The following ANKRD44 variants were observed in gnomAD, a reference collection of about 807,000 sequenced individuals.
ANKRD44 encodes the protein serine/threonine-protein phosphatase 6 regulatory ankyrin repeat subunit B.
In ANKRD44, 35 loss-of-function variants were observed where a neutral mutation model predicts 116.0. The observed-to-expected ratio is 0.30, with a 90% CI of 0.23 to 0.40. The LOEUF (loss-of-function observed/expected upper bound fraction) is 0.40. Ranked by LOEUF, ANKRD44 falls within the 10% of genes least tolerant of loss-of-function variation. The pLI, the probability that ANKRD44 is intolerant of heterozygous loss-of-function variation, is 1.00. For missense variants in ANKRD44, 1,014 were observed against 1,242.6 expected, an observed-to-expected ratio of 0.82 and a Z score of 2.77; for synonymous variants, 435 against 461.8, an observed-to-expected ratio of 0.94 and a Z score of 0.74.
chr2:197,009,097 T>G, intron 18 of ANKRD44, 66 bp from the exon 19 acceptor site: 1 of 1,380,952 alleles, frequency 7.2e-7, no homozygotes, highest in Non-Finnish European at 1.0e-6. Flanking sequence ...TCCAAATGAC[T>G]TTTTCTTTTT....
chr2:197,119,888 G>A (rs1358917018), intron 8 of ANKRD44, among the ~76,000 whole-genome samples: 2 of 152,222 alleles, frequency 1.3e-5, no homozygotes, highest in East Asian at 3.9e-4. Flanking sequence ...TGCGTGATAA[G>A]CTCCCCTTGG....
intron 26 of ANKRD44, 148 bp downstream of exon 26, chr2:196,995,231 A>G (rs1018770531): frequency 4.4e-6 from 2 of 451,984 alleles, no homozygotes; most frequent in African/African-American, 4.0e-5. Flanking sequence ...TAGGTATGTG[A>G]CTGTCACCTT....
chr2:197,215,598 A>G (rs2081425907), intron 1 of ANKRD44, among the ~76,000 whole-genome samples: 1 of 152,164 alleles, frequency 6.6e-6, no homozygotes, highest in African/African-American at 2.4e-5. Context: ...ATCAAATCAA[A>G]TATTTCTAGT....
intron 16 of ANKRD44, among the ~76,000 whole-genome samples, chr2:197,076,174 A>C (rs2077661856): frequency 6.6e-6 from 1 of 152,206 alleles, no homozygotes; most frequent in Non-Finnish European, 1.5e-5. Flanking sequence ...ATAACCTATG[A>C]AGAGCTACCA....
intron 16 of ANKRD44, among the ~76,000 whole-genome samples, chr2:197,065,120 A>T (rs1290519853): frequency 6.6e-6 from 1 of 152,246 alleles, no homozygotes; most frequent in African/African-American, 2.4e-5. Context: ...ACCATAATGC[A>T]ATCAAACTAG....
chr2:197,239,205 C>G (rs555970669), intron 1 of ANKRD44, among the ~76,000 whole-genome samples: 1 of 152,284 alleles, frequency 6.6e-6, no homozygotes, highest in African/African-American at 2.4e-5. Flanking sequence ...TGCCAGAATA[C>G]AGTCACAAAG....
intron 16 of ANKRD44, among the ~76,000 whole-genome samples, chr2:197,052,166 C>A (rs2077120600): frequency 6.6e-6 from 1 of 152,084 alleles, no homozygotes; most frequent in African/African-American, 2.4e-5. Context: ...AATAGTGTAA[C>A]CATCAACTTG....
chr2:197,199,780 T>G (rs1279616431), intron 1 of ANKRD44, among the ~76,000 whole-genome samples: 1 of 152,196 alleles, frequency 6.6e-6, no homozygotes, highest in African/African-American at 2.4e-5. Context: ...AAAATAATGA[T>G]GTACTGAGGA....
intron 26 of ANKRD44, chr2:196,994,468 G>A (rs2075975764): frequency 6.6e-6 from 1 of 151,844 alleles, no homozygotes; most frequent in Non-Finnish European, 1.5e-5. Context: ...TTATAGGCAT[G>A]AGCCACGACA....
intron 2 of ANKRD44, among the ~76,000 whole-genome samples, chr2:197,156,819 G>A (rs904274459): frequency 2.2e-4 from 34 of 152,272 alleles, no homozygotes; most frequent in African/African-American, 7.9e-4. Flanking sequence ...AAATAATTGT[G>A]TGAGTGAAAC....
chr2:196,995,411 G>A lies in ANKRD44; in HGVS notation c.2799C>T (p.Ser933=), dbSNP rs376988652. The A allele has an allele frequency of 6.6e-5, 107 of 1,611,538 alleles. No individual in the cohort carries two copies. The highest frequency in any genetic ancestry group is 8.3e-5 in the Non-Finnish European group (98 of 1,178,872). Residue 933 remains serine (S), a synonymous_variant, in exon 26 of 28, where the codon AGC becomes AGT. Transcript: ENST00000282272. ...GTGCATTATTTTTTTCATTAATAAGGCTCTCGTCTTGTATCTTGTCAAGTA... is the reference window on the plus strand; with the variant it reads ...GTGCATTATTTTTTTCATTAATAAGACTCTCGTCTTGTATCTTGTCAAGTA... ...LLILDKIQDE[S]LINEKNNALQ...
intron 19 of ANKRD44, 70 bp from the exon 20 acceptor site, chr2:197,007,993 G>T: frequency 1.1e-6 from 1 of 946,370 alleles, no homozygotes; most frequent in Non-Finnish European, 1.6e-6. Flanking sequence ...CCAGTAGGAA[G>T]ACATTCTCTT....
chr2:197,010,398 GACTGGGCCTCC>G (rs1348966045), intron 18 of ANKRD44, among the ~76,000 whole-genome samples: 1 of 151,966 alleles, frequency 6.6e-6, no homozygotes, highest in East Asian at 1.9e-4. Flanking sequence ...TCCTAGGCCA[GACTGGGCCTCC>G]CCCTGCCCCT....
At chr2:196,986,242 C>A (rs1331907431), downstream of ANKRD44, among the ~76,000 whole-genome samples, 1 of 152,022 alleles carries the variant, frequency 6.6e-6, no homozygotes, top group Non-Finnish European at 1.5e-5. Context: ...TATAGTGAGA[C>A]CCCATCTCTA....
chr2:197,090,829 G>A (rs1327518140), intron 10 of ANKRD44, among the ~76,000 whole-genome samples: 1 of 152,172 alleles, frequency 6.6e-6, no homozygotes, highest in East Asian at 1.9e-4. Context: ...ACAGTTTGAT[G>A]GCATAACTTC....
At chr2:197,263,339 G>A (rs2082657842) in intron 1 of ANKRD44, 1 of 536,940 alleles carries the variant, frequency 1.9e-6, no homozygotes, top group Non-Finnish European at 3.3e-6. Context: ...GTTCATTGGG[G>A]CTGGGGCGCC....
At chr2:197,190,472 A>G (rs190235727) in intron 1 of ANKRD44, among the ~76,000 whole-genome samples, 51 of 152,316 alleles carry the variant, frequency 3.3e-4, no homozygotes, top group African/African-American at 9.1e-4. Context: ...TGGAATGCAT[A>G]ATGATTCTTG....
chr2:196,986,816 GT>G lies in ANKRD44; in HGVS notation c.*2774del. The G allele has an allele frequency of 5.1e-6, 5 of 985,352 alleles. No homozygotes were observed. Among genetic ancestry groups the G allele is most frequent in the Non-Finnish European group, 6.0e-6 (5 of 829,904 alleles). The allele number at this position is 985,352 out of a possible 1,614,324, so 61.0% of individuals were successfully genotyped here. A position where few individuals can be genotyped will look rare whatever the true frequency, so the allele number is the denominator to read the frequency against. ...TTGAGAAGATTCAGATTGTTTCAAA[GT>G]CATTCACTGAACTAAAAGTCATTTT... On this transcript the variant is annotated 3_prime_UTR_variant, in exon 28 of 28. Coordinates refer to ENST00000282272, the MANE Select transcript of ANKRD44 (RefSeq NM_001195144.2).
At chr2:197,009,141 G>A in intron 18 of ANKRD44, 110 bp from the exon 19 acceptor site, 2 of 806,414 alleles carry the variant, frequency 2.5e-6, no homozygotes, top group South Asian at 3.0e-5. Context: ...CGCCAGGCTG[G>A]AGTGCAGTGG....
Sources: gnomAD v4.1 joint callset for allele counts (sites outside exome capture counted in the v4.1 genomes callset) on GRCh38, gnomAD v4.1.1 for gene constraint, MANE v1.5 for transcripts, NCBI Gene and HGNC (gene_info 2026-07-23, HGNC 2026-07-21) for gene names.